LRRIQ1: variants seen among roughly 807,000 people sequenced by gnomAD.
LRRIQ1 encodes the protein leucine-rich repeat- and IQ domain-containing protein 1.
A neutral mutation model predicts 211.9 loss-of-function variants in LRRIQ1; 210 were observed. The ratio of observed to expected loss-of-function variants is 0.99; its 90% CI spans 0.89 to 1.11. The LOEUF is 1.11. Ranked by LOEUF, LRRIQ1 falls within the 50% of genes most tolerant of loss-of-function variation. The probability of loss-of-function intolerance (pLI) is 0.00; values close to 1 mark genes in which losing one functional copy is unlikely to be tolerated. For missense variants in LRRIQ1, 2,136 were observed against 1,939.5 expected (o/e 1.10, Z -1.90); for synonymous variants, 699 against 650.1 (o/e 1.08, Z -1.14).
chr12:85,251,335 C>T (rs1593027157), intron 1 of LRRIQ1, among the ~76,000 whole-genome samples: 1 of 151,636 alleles, frequency 6.6e-6, no homozygotes, highest in African/African-American at 2.4e-5. Context: ...AAGATTATGT[C>T]ATTAGCTAGG....
chr12:85,260,294 G>A (rs1419625151), intron 1 of LRRIQ1, among the ~76,000 whole-genome samples: 1 of 151,920 alleles, frequency 6.6e-6, no homozygotes, highest in Non-Finnish European at 1.5e-5. Context: ...TCCAGCCTGG[G>A]TGACTATGAA....
intron 14 of LRRIQ1, among the ~76,000 whole-genome samples, chr12:85,105,065 G>A (rs1251411269): frequency 2.0e-5 from 3 of 152,108 alleles, no homozygotes; most frequent in East Asian, 1.9e-4. Context: ...GTCTATTCAA[G>A]TGTTTCACCA....
In LRRIQ1 at chr12:85,043,598, C is replaced by T. The variant is rs73379735; in HGVS notation, c.245-1120C>T. Among the ~76,000 whole-genome samples the T allele has an allele frequency of 1.3e-3, 205 of 152,118 alleles. 1 individual carries two copies. The highest frequency in any genetic ancestry group is 2.3e-3 in the Non-Finnish European group (158 of 67,980). On this transcript the variant is annotated intron_variant, in intron 3 of 26. Coordinates refer to ENST00000393217, the MANE Select transcript of LRRIQ1 (RefSeq NM_001079910.2). ...ATGTCCTATGTGAGAGGGAACTACA[C>T]GGGATATGTATACCAGTAGGTGTGA...
intron 12 of LRRIQ1, 104 bp from the exon 13 acceptor site, chr12:85,098,763 A>G: frequency 2.4e-6 from 2 of 841,726 alleles, no homozygotes; most frequent in Non-Finnish European, 3.5e-6. Context: ...GCACTTTATC[A>G]GAATCTATCT....
At chr12:85,077,952 C>T (rs2136141456) in intron 11 of LRRIQ1, among the ~76,000 whole-genome samples, 1 of 151,512 alleles carries the variant, frequency 6.6e-6, no homozygotes, top group African/African-American at 2.4e-5. Context: ...CACACCAATG[C>T]ACTCCAACCT....
downstream of LRRIQ1, among the ~76,000 whole-genome samples, chr12:85,246,864 A>G (rs1014425996): frequency 3.3e-5 from 5 of 151,508 alleles, no homozygotes; most frequent in Non-Finnish European, 5.9e-5. Context: ...CTATAACAAC[A>G]TCAGTATTAT....
chr12:85,052,116 T>A (rs1880404215), intron 6 of LRRIQ1, 61 bp from the exon 7 acceptor site: 6 of 938,108 alleles, frequency 6.4e-6, no homozygotes, highest in Non-Finnish European at 9.6e-6. Context: ...GAATCATATA[T>A]AATTAACATA....
intron 11 of LRRIQ1, among the ~76,000 whole-genome samples, chr12:85,089,947 C>T (rs1439358630): frequency 1.3e-5 from 2 of 152,192 alleles, no homozygotes; most frequent in African/African-American, 2.4e-5. Context: ...GGCATTACAG[C>T]GATCTAAGAG....
intron 16 of LRRIQ1, 38 bp from the exon 17 acceptor site, chr12:85,124,032 C>G (rs1277521424): frequency 1.4e-6 from 2 of 1,477,104 alleles, no homozygotes; most frequent in African/African-American, 1.4e-5. Flanking sequence ...TTTGCTGGTA[C>G]TATTCTTATT....
At chr12:85,057,231 T>C in intron 8 of LRRIQ1, 47 bp downstream of exon 8, 1 of 1,225,770 alleles carries the variant, frequency 8.2e-7, no homozygotes, top group Non-Finnish European at 1.1e-6. Context: ...TACAATTAGC[T>C]CTTTAAAGTA....
At chr12:85,259,217 A>G (rs1398008471) in intron 1 of LRRIQ1, among the ~76,000 whole-genome samples, 1 of 152,064 alleles carries the variant, frequency 6.6e-6, no homozygotes, top group East Asian at 1.9e-4. Flanking sequence ...AAAAGGGAAA[A>G]CAATTGTCAA....
intron 9 of LRRIQ1, 112 bp from the exon 10 acceptor site, chr12:85,066,636 A>G (rs1592728830): frequency 1.4e-6 from 1 of 693,860 alleles, no homozygotes; most frequent in East Asian, 3.3e-5. Context: ...TTAAAGATTC[A>G]GATATTAATT....
intron 24 of LRRIQ1, among the ~76,000 whole-genome samples, chr12:85,195,075 G>A (rs1011757378): frequency 6.6e-6 from 1 of 152,156 alleles, no homozygotes; most frequent in Non-Finnish European, 1.5e-5. Context: ...AAATCTAGAA[G>A]AAATGGAAAA....
intron 6 of LRRIQ1, chr12:85,047,715 G>T: frequency 2.7e-6 from 1 of 371,066 alleles, no homozygotes. Flanking sequence ...TGAATTTCAA[G>T]GGTCATCATG....
chr12:85,270,268 A>C, the LRRIQ1 span, among the ~76,000 whole-genome samples: 5 of 152,110 alleles, frequency 3.3e-5, no homozygotes, highest in East Asian at 9.6e-4. Flanking sequence ...AGAAGCTGAG[A>C]TTTTAAAAGG....
chr12:85,162,447 A>T (rs1890936006), intron 24 of LRRIQ1, among the ~76,000 whole-genome samples: 1 of 152,144 alleles, frequency 6.6e-6, no homozygotes, highest in Non-Finnish European at 1.5e-5. Context: ...GTTGCATTAG[A>T]AAAGAACTGC....
At chr12:85,200,513 G>A (rs1384109883) in intron 24 of LRRIQ1, among the ~76,000 whole-genome samples, 4 of 152,130 alleles carry the variant, frequency 2.6e-5, no homozygotes, top group African/African-American at 9.7e-5. Context: ...GGAGTGGTGA[G>A]AGAGGACATG....
At chr12:85,089,541 A>G (rs1447955216) in intron 11 of LRRIQ1, among the ~76,000 whole-genome samples, 1 of 152,182 alleles carries the variant, frequency 6.6e-6, no homozygotes, top group African/African-American at 2.4e-5. Flanking sequence ...AATTGGCAAG[A>G]TTATGTGTGT....
chr12:85,124,106 T>G lies in LRRIQ1; in HGVS notation c.3594T>G (p.Cys1198Trp), dbSNP rs758524846. ...VFTLDTAENL[C>W]HYFKKLMILS... ...CCTTGGATACTGCAGAAAATCTCTG[T>G]CATTATTTTAAGAAATTGATGATAC... Residue 1198 changes from cysteine (C) to tryptophan (W), a missense_variant, in exon 17 of 27, where the codon TGT (cysteine) becomes TGG (tryptophan). Transcript: ENST00000393217. The G allele has an allele frequency of 1.2e-6, 2 of 1,613,642 alleles. No homozygotes were observed. Among genetic ancestry groups the G allele is most frequent in the Non-Finnish European group, 1.7e-6 (2 of 1,179,640 alleles).
Sources: gnomAD v4.1 joint callset for allele counts (sites outside exome capture counted in the v4.1 genomes callset) on GRCh38, gnomAD v4.1.1 for gene constraint, MANE v1.5 for transcripts, NCBI Gene and HGNC (gene_info 2026-07-23, HGNC 2026-07-21) for gene names.